Variants in INSR observed in about 807,000 individuals in gnomAD.
The protein encoded by INSR is insulin receptor, also known as IR.
Under a neutral mutation model 142.6 loss-of-function variants are expected in INSR, and 67 were observed. The ratio of observed to expected loss-of-function variants is 0.47; its 90% confidence interval spans 0.39 to 0.58. INSR has a LOEUF of 0.58. Among genes scored for constraint, INSR ranks in the 20% least tolerant of loss-of-function variants. The pLI is 0.00. For missense variants in INSR, 1,248 were observed against 1,833.2 expected, an observed-to-expected ratio of 0.68 and a Z score of 5.83; for synonymous variants, 756 against 743.1, an observed-to-expected ratio of 1.02 and a Z score of -0.28.
At chr19:7,263,677 C>T (rs535081628) in intron 2 of INSR, among the ~76,000 whole-genome samples, 5 of 152,272 alleles carry the variant, frequency 3.3e-5, no homozygotes, top group African/African-American at 1.2e-4. Flanking sequence ...CTTCGACCTC[C>T]TGGACACAAA....
intron 4 of INSR, among the ~76,000 whole-genome samples, chr19:7,173,311 A>C (rs1021051649): frequency 6.6e-6 from 1 of 152,060 alleles, no homozygotes; most frequent in African/African-American, 2.4e-5. Context: ...TTTTTGCCTG[A>C]CATGGTATTT....
At chr19:7,208,404 T>C (rs12608528) in intron 2 of INSR, among the ~76,000 whole-genome samples, 29,719 of 151,956 alleles carry the variant, frequency 0.2, 3,038 homozygotes, top group Non-Finnish European at 0.22. Flanking sequence ...TAAAATTTAA[T>C]GTACTTTCCT....
chr19:7,180,899 C>T (rs7257990), intron 3 of INSR, among the ~76,000 whole-genome samples: 32,655 of 151,842 alleles, frequency 0.22, 5,497 homozygotes, highest in African/African-American at 0.47. Context: ...GGGAAGCCAC[C>T]GGAGGGTTTT....
chr19:7,279,590 T>C (rs988816015), intron 1 of INSR, among the ~76,000 whole-genome samples: 1 of 151,110 alleles, frequency 6.6e-6, no homozygotes, highest in Non-Finnish European at 1.5e-5. Context: ...GTGGGTCCCG[T>C]GGGCATTGGG....
chr19:7,177,331 T>C (rs1263909901), intron 3 of INSR, among the ~76,000 whole-genome samples: 1 of 152,010 alleles, frequency 6.6e-6, no homozygotes, highest in Non-Finnish European at 1.5e-5. Flanking sequence ...CTTGCTAGCA[T>C]GGGGTGAAGG....
chr19:7,166,005 G>T lies in INSR; in HGVS notation c.1861+149C>A. 1.1e-6 allele frequency: 1 copy of T among 872,504 alleles called. No homozygotes were observed. Among genetic ancestry groups the T allele is most frequent in the South Asian group, 1.5e-5 (1 of 65,970 alleles). The allele number at this position is 872,504 out of a possible 1,614,324, so 54.0% of individuals were successfully genotyped here. On this transcript the variant is annotated intron_variant, in intron 8 of 21. Transcript: ENST00000302850. The surrounding 1 kb of genome is among the most constrained non-coding windows in gnomAD (Gnocchi z 4.1). The stretch of plus-strand genomic sequence containing the variant: ...GATCACCCCACTGCATTGCACTCTA[G>T]CCTGGGTGACAAAGTAAGACCCTGT...
At chr19:7,211,478 C>T (rs901206399) in intron 2 of INSR, among the ~76,000 whole-genome samples, 7 of 152,256 alleles carry the variant, frequency 4.6e-5, no homozygotes, top group East Asian at 3.9e-4. Flanking sequence ...CCAAAGGAGC[C>T]GGTATTTGAA....
chr19:7,228,191 A>C (rs1396229530), intron 2 of INSR, among the ~76,000 whole-genome samples: 1 of 152,220 alleles, frequency 6.6e-6, no homozygotes, highest in East Asian at 1.9e-4. Context: ...CAGACTTTCC[A>C]TGAAGACCTG....
intron 2 of INSR, among the ~76,000 whole-genome samples, chr19:7,197,516 G>GTGGGGGTGTGTGTGTGTGTGTGT (rs1568480264): frequency 1.4e-5 from 1 of 70,856 alleles, no homozygotes; most frequent in African/African-American, 6.1e-5. Flanking sequence ...TGGGAGTGGG[G>GTGGGGGTGTGTGTGTGTGTGTGT]GTGTGTGTGT....
chr19:7,229,372 G>GGATGGATA (rs1975898689), intron 2 of INSR, among the ~76,000 whole-genome samples: 1 of 151,958 alleles, frequency 6.6e-6, no homozygotes, highest in African/African-American at 2.4e-5. Context: ...ATGGATAGAT[G>GGATGGATA]GATGGGCAGA....
intron 3 of INSR, among the ~76,000 whole-genome samples, chr19:7,184,041 T>C (rs1296796485): frequency 7.8e-6 from 1 of 128,010 alleles, no homozygotes; most frequent in Non-Finnish European, 1.6e-5. Context: ...CTTGGGAGTC[T>C]TGCGGCAAGA....
Position 7,184,594 on chromosome 19 carries a change from G to A in INSR, c.696C>T (p.Gly232=), listed in dbSNP as rs765448441. The change falls in exon 3 of 22, where the codon GGC becomes GGT. Residue 232 remains glycine, a synonymous_variant. Transcript: ENST00000302850. The stretch of plus-strand genomic sequence containing the variant: ...CCAGGCACTCGCTGTGGCAACAGAG[G>A]CCTTCGGCGGTGCAGCCGTGTGACT... ...ICKSHGCTAE[G]LCCHSECLGN... 3.1e-6 allele frequency: 5 copies of A among 1,613,290 alleles called. No individual in the cohort carries two copies. Among genetic ancestry groups the A allele is most frequent in the East Asian group, 2.2e-5 (1 of 44,878 alleles).
At chr19:7,235,306 T>G (rs1231111702) in intron 2 of INSR, among the ~76,000 whole-genome samples, 1 of 152,068 alleles carries the variant, frequency 6.6e-6, no homozygotes, top group African/African-American at 2.4e-5. Flanking sequence ...CTCTCCCCTC[T>G]CCAAACACAG....
rs1568230444 is a variant in INSR, at chr19:7,269,496, ACTGG to A, written c.101-1604_101-1601del. Among the ~76,000 whole-genome samples the A allele has an allele frequency of 4.0e-5, 6 of 151,786 alleles. No individual in the cohort carries two copies. The South Asian group carries it at 1.2e-3, about 32-fold the overall frequency. On this transcript the variant is annotated intron_variant, in intron 1 of 21. Coordinates refer to ENST00000302850, the MANE Select transcript of INSR (RefSeq NM_000208.4). Reference sequence around the variant, plus strand: ...GATTAATCTCCACCCTCCCCTCAACACTGGCTGCCTGGGGTCTGAACCAAGCAGG... The same window carrying A: ...GATTAATCTCCACCCTCCCCTCAACACTGCCTGGGGTCTGAACCAAGCAGG...
At chr19:7,201,047 C>A (rs999864098) in intron 2 of INSR, among the ~76,000 whole-genome samples, 2 of 152,074 alleles carry the variant, frequency 1.3e-5, no homozygotes, top group African/African-American at 4.8e-5. Context: ...GTAGGCAATA[C>A]ACATTTTATG....
At chr19:7,257,387 T>A (rs1306564936) in intron 2 of INSR, among the ~76,000 whole-genome samples, 1 of 151,652 alleles carries the variant, frequency 6.6e-6, no homozygotes. Context: ...GATTTCCAGG[T>A]GCTCTGCTCC....
At chr19:7,282,544 T>A (rs1968231697) in intron 1 of INSR, among the ~76,000 whole-genome samples, 1 of 150,922 alleles carries the variant, frequency 6.6e-6, no homozygotes, top group Non-Finnish European at 1.5e-5. Flanking sequence ...TAGCTGGGCG[T>A]GGTGGCACAT....
At chr19:7,153,446 C>CAT (rs1973496881) in intron 9 of INSR, among the ~76,000 whole-genome samples, 3 of 115,876 alleles carry the variant, frequency 2.6e-5, no homozygotes, top group East Asian at 3.0e-4. Context: ...TCACACACAC[C>CAT]ACCACACCCA....
intron 2 of INSR, among the ~76,000 whole-genome samples, chr19:7,226,318 G>A (rs1001887299): frequency 6.7e-6 from 1 of 149,064 alleles, no homozygotes; most frequent in Non-Finnish European, 1.5e-5. Context: ...GCTGAGGCAG[G>A]AGAATGGTTT....
Sources: gnomAD v4.1 joint callset for allele counts (sites outside exome capture counted in the v4.1 genomes callset) on GRCh38, gnomAD v4.1.1 for gene constraint, Gnocchi (gnomAD v3.1) non-coding constraint, MANE v1.5 for transcripts, NCBI Gene and HGNC (gene_info 2026-07-23, HGNC 2026-07-21) for gene names.